STXBP5L: variants seen among roughly 807,000 people sequenced by gnomAD.
STXBP5L encodes syntaxin-binding protein 5-like.
In STXBP5L, 65 loss-of-function variants were observed where a neutral mutation model predicts 144.5. That is an observed-to-expected ratio of 0.45 (90% confidence interval 0.37 to 0.55). The LOEUF is 0.55. Ranked by LOEUF, STXBP5L falls within the 20% of genes least tolerant of loss-of-function variation. STXBP5L has a pLI of 0.00. For synonymous variants in STXBP5L, 505 were observed against 469.6 expected (o/e 1.08, Z -0.97); for missense variants, 1,298 against 1,405.5 (o/e 0.92, Z 1.22).
In STXBP5L at chr3:121,313,615, C is replaced by A. The variant is rs867177875; in HGVS notation, c.2111-4860C>A. 1.6e-3 allele frequency among the ~76,000 whole-genome samples: 164 copies of A among 102,924 alleles called. 12 individuals carry two copies. The highest frequency in any genetic ancestry group is 0.012 in the South Asian group (30 of 2,452). The allele number at this position is 102,924 out of a possible 152,430, so 67.5% of individuals were successfully genotyped here. On this transcript the variant is annotated intron_variant, in intron 19 of 26. Transcript: ENST00000471454. The stretch of plus-strand genomic sequence containing the variant: ...ACGGGGCGGCTGGCCGACCCCCCCC[C>A]CCGCCTCCCTCCCGGACGGGGCGGC...
chr3:121,385,169 T>C (rs2046400277), intron 22 of STXBP5L, among the ~76,000 whole-genome samples: 2 of 152,086 alleles, frequency 1.3e-5, no homozygotes, highest in Non-Finnish European at 2.9e-5. Flanking sequence ...ATACCTGAGA[T>C]TGGGCAACTT....
chr3:120,952,114 A>G (rs919492511), intron 2 of STXBP5L, among the ~76,000 whole-genome samples: 10 of 140,658 alleles, frequency 7.1e-5, no homozygotes, highest in East Asian at 2.3e-4. Flanking sequence ...ATGAGAACAC[A>G]TGGATACAGG....
At chr3:121,226,064 T>A (rs2049114520) in intron 11 of STXBP5L, among the ~76,000 whole-genome samples, 1 of 152,170 alleles carries the variant, frequency 6.6e-6, no homozygotes, top group African/African-American at 2.4e-5. Flanking sequence ...TCAAAGGGAC[T>A]TTTTGGTAAT....
At chr3:121,189,038 A>G (rs1437640388) in intron 9 of STXBP5L, among the ~76,000 whole-genome samples, 1 of 152,222 alleles carries the variant, frequency 6.6e-6, no homozygotes, top group Non-Finnish European at 1.5e-5. Flanking sequence ...TGCAGATGAC[A>G]TGAATTTTAT....
chr3:121,337,939 C>T (rs1251690653), intron 20 of STXBP5L, among the ~76,000 whole-genome samples: 1 of 152,098 alleles, frequency 6.6e-6, no homozygotes, highest in Non-Finnish European at 1.5e-5. Context: ...AAAAATTAAT[C>T]TGCTCCTGGA....
chr3:121,072,034 G>A (rs894650322), intron 5 of STXBP5L, among the ~76,000 whole-genome samples: 2 of 152,194 alleles, frequency 1.3e-5, no homozygotes, highest in Admixed American at 1.3e-4. Context: ...GCGATAAGCT[G>A]TATGCAGTTT....
chr3:121,374,073 C>A (rs2046112586), intron 20 of STXBP5L, among the ~76,000 whole-genome samples: 1 of 152,180 alleles, frequency 6.6e-6, no homozygotes, highest in Non-Finnish European at 1.5e-5. Flanking sequence ...TGCTGATGCT[C>A]ACATACCCCA....
chr3:121,087,084 T>C (rs979071828), intron 5 of STXBP5L, among the ~76,000 whole-genome samples: 5 of 152,068 alleles, frequency 3.3e-5, no homozygotes, highest in African/African-American at 1.2e-4. Flanking sequence ...ATTGTTGAGG[T>C]TTGTTTTTCA....
intron 9 of STXBP5L, among the ~76,000 whole-genome samples, chr3:121,187,298 A>G (rs760828098): frequency 2.6e-5 from 4 of 151,826 alleles, no homozygotes; most frequent in Non-Finnish European, 1.5e-5. Context: ...AACTATTGCA[A>G]GGACAAAAAA....
chr3:121,296,050 C>T (rs1001868321), intron 19 of STXBP5L, among the ~76,000 whole-genome samples: 3 of 152,088 alleles, frequency 2.0e-5, no homozygotes, highest in African/African-American at 7.2e-5. Context: ...GCCAGGAAAT[C>T]ATATTTCTGA....
chr3:120,980,562 T>G (rs1941655685), intron 3 of STXBP5L, among the ~76,000 whole-genome samples: 1 of 152,138 alleles, frequency 6.6e-6, no homozygotes, highest in Admixed American at 6.5e-5. Flanking sequence ...AAATATCTGT[T>G]TCTACTTTTT....
At chr3:121,094,171 TGAG>T (rs1186096242) in intron 5 of STXBP5L, among the ~76,000 whole-genome samples, 1 of 152,192 alleles carries the variant, frequency 6.6e-6, no homozygotes, top group Admixed American at 6.5e-5. Flanking sequence ...TTACATTTGC[TGAG>T]GAGAGCTTTA....
intron 6 of STXBP5L, among the ~76,000 whole-genome samples, chr3:121,118,162 C>T (rs1289178012): frequency 6.6e-6 from 1 of 151,604 alleles, no homozygotes; most frequent in African/African-American, 2.4e-5. Context: ...AATCTCTGTC[C>T]TCCTGGGACT....
rs889374883 is a variant in STXBP5L, at chr3:121,308,806, A to C, written c.2111-9669A>C. Among the ~76,000 whole-genome samples, 6 of 152,242 alleles carry C rather than the reference A, an allele frequency of 3.9e-5. No individual in the cohort carries two copies. In the South Asian group the frequency reaches 1.2e-3, roughly 32 times the overall value. ...AAAATTATATAAAGTAGTAATTATAATGTTTTATTGGTTTGTAAAATATAT... is the reference window on the plus strand; with the variant it reads ...AAAATTATATAAAGTAGTAATTATACTGTTTTATTGGTTTGTAAAATATAT... On this transcript the variant is annotated intron_variant, in intron 19 of 26. Transcript: ENST00000471454.
At chr3:120,953,068 G>A (rs938681167) in intron 2 of STXBP5L, among the ~76,000 whole-genome samples, 7 of 151,898 alleles carry the variant, frequency 4.6e-5, no homozygotes, top group African/African-American at 1.7e-4. Context: ...CCAAAGTGCT[G>A]GGATTACAGG....
chr3:121,008,335 A>C (rs1205317308), intron 3 of STXBP5L, among the ~76,000 whole-genome samples: 1 of 151,968 alleles, frequency 6.6e-6, no homozygotes, highest in Non-Finnish European at 1.5e-5. Flanking sequence ...TGGTAGCCTT[A>C]GGTTTACTGT....
chr3:121,285,585 A>G (rs1360153361), intron 19 of STXBP5L, among the ~76,000 whole-genome samples: 1 of 152,106 alleles, frequency 6.6e-6, no homozygotes. Flanking sequence ...CTTTCACATC[A>G]TAGAATAATA....
At chr3:121,276,956 A>T (rs957307549) in intron 18 of STXBP5L, among the ~76,000 whole-genome samples, 3 of 151,788 alleles carry the variant, frequency 2.0e-5, no homozygotes, top group African/African-American at 7.3e-5. Context: ...TTCTTCCTTT[A>T]TGAAACTCCA....
chr3:121,093,661 C>G (rs986968615), intron 5 of STXBP5L, among the ~76,000 whole-genome samples: 1 of 152,108 alleles, frequency 6.6e-6, no homozygotes, highest in Non-Finnish European at 1.5e-5. Context: ...ATTCTTCTCT[C>G]TTTTTTTCTT....
Sources: gnomAD v4.1 joint callset for allele counts (sites outside exome capture counted in the v4.1 genomes callset) on GRCh38, gnomAD v4.1.1 for gene constraint, MANE v1.5 for transcripts, NCBI Gene and HGNC (gene_info 2026-07-23, HGNC 2026-07-21) for gene names.